The following ASB2 variants were observed in gnomAD, a reference collection of about 807,000 sequenced individuals.
ASB2 encodes ankyrin repeat and SOCS box containing 2.
A neutral mutation model predicts 62.4 loss-of-function variants in ASB2; 58 were observed. That is an observed-to-expected ratio of 0.93 (90% CI 0.75 to 1.16). The LOEUF (loss-of-function observed/expected upper bound fraction) is 1.16. ASB2 is among the 50% of genes most tolerant of loss of function. ASB2 has a pLI of 0.00. For synonymous variants in ASB2, 386 were observed against 385.3 expected, an observed-to-expected ratio of 1.00 and a Z score of -0.02; for missense variants, 928 against 887.9, an observed-to-expected ratio of 1.05 and a Z score of -0.57.
chr14:93,940,730 A>G (rs1335888858), intron 7 of ASB2, among the ~76,000 whole-genome samples: 1 of 152,188 alleles, frequency 6.6e-6, no homozygotes, highest in East Asian at 1.9e-4. Flanking sequence ...TCTCTTCCCT[A>G]AAACACGAGC....
Position 93,939,297 on chromosome 14 carries a change from G to A in ASB2, c.1428C>T (p.Thr476=). ...CGAACATGATGGTGGCGGGGAAGGC[G>A]GTGGGGTGCGTGGCGATATAGGCGT... is the stretch of plus-strand genomic sequence containing the variant. ...NIDAYIATHP[T]AFPATIMFAM... Residue 476 remains threonine, a synonymous_variant, in exon 8 of 10, where the codon ACC becomes ACT. Transcript: ENST00000555019. 1 of 1,609,394 alleles carries A rather than the reference G, an allele frequency of 6.2e-7. No homozygotes were observed. The highest frequency in any genetic ancestry group is 8.5e-7 in the Non-Finnish European group (1 of 1,176,806).
At chr14:93,943,417 G>A (rs1888607266) in intron 7 of ASB2, among the ~76,000 whole-genome samples, 1 of 152,208 alleles carries the variant, frequency 6.6e-6, no homozygotes, top group African/African-American at 2.4e-5. Context: ...GGCTGAGGCG[G>A]GTGGATCAGT....
chr14:93,963,705 C>T (rs1191475319), intron 2 of ASB2, among the ~76,000 whole-genome samples: 1 of 152,156 alleles, frequency 6.6e-6, no homozygotes, highest in East Asian at 1.9e-4. Flanking sequence ...ATATAAGTCT[C>T]TTGGTGGAAA....
intron 1 of ASB2, among the ~76,000 whole-genome samples, chr14:93,970,151 G>T (rs1889719327): frequency 6.6e-6 from 1 of 152,214 alleles, no homozygotes; most frequent in African/African-American, 2.4e-5. Context: ...TTGTTTGAGG[G>T]GCTGGGGTGG....
chr14:93,956,977 T>TGACC, intron 2 of ASB2, 107 bp from the exon 3 acceptor site: 1 of 1,494,194 alleles, frequency 6.7e-7, no homozygotes. Context: ...AGGGAGAGAC[T>TGACC]GACTGACAGA....
At chr14:93,960,371 A>G (rs897129338) in intron 2 of ASB2, among the ~76,000 whole-genome samples, 1 of 152,208 alleles carries the variant, frequency 6.6e-6, no homozygotes, top group African/African-American at 2.4e-5. Flanking sequence ...CTGATTCACA[A>G]CCTGGCATAT....
chr14:93,938,274 T>A (rs559758214), intron 8 of ASB2, among the ~76,000 whole-genome samples: 1 of 129,820 alleles, frequency 7.7e-6, no homozygotes, highest in Non-Finnish European at 1.6e-5. Flanking sequence ...AGAGTCTCGC[T>A]CTGTGCCCAG....
At chr14:93,947,995 GAAAAA>G (rs55666799) in intron 6 of ASB2, among the ~76,000 whole-genome samples, 1 of 72,492 alleles carries the variant, frequency 1.4e-5, no homozygotes, top group South Asian at 8.4e-4. Context: ...ACTCCGCCTG[GAAAAA>G]AAAAAAAAAA....
rs532660244 is a variant in ASB2, at chr14:93,939,507, G to A, written c.1218C>T (p.Leu406=). Residue 406 remains leucine, a synonymous_variant, in exon 8 of 10, where the codon CTC becomes CTT. Coordinates refer to ENST00000555019, the MANE Select transcript of ASB2 (RefSeq NM_001202429.2). ...NTPLAPERAR[L]YEDRRSSALY... is the part of the protein sequence containing the mutation. ...GCGCGGAGCTGCGCCGGTCTTCGTA[G>A]AGGCGCGCGCGCTCGGGGGCCAGCG... The A allele has an allele frequency of 6.2e-7, 1 of 1,608,454 alleles. No homozygotes were observed. Among genetic ancestry groups the A allele is most frequent in the East Asian group, 2.2e-5 (1 of 44,636 alleles).
intron 2 of ASB2, among the ~76,000 whole-genome samples, chr14:93,958,909 A>G (rs1889315055): frequency 6.6e-6 from 1 of 152,238 alleles, no homozygotes; most frequent in African/African-American, 2.4e-5. Context: ...GAAAAAGCCC[A>G]CTGCACCATC....
At chr14:93,937,639 T>A in intron 9 of ASB2, 59 bp downstream of exon 9, 5 of 1,560,728 alleles carry the variant, frequency 3.2e-6, no homozygotes, top group Non-Finnish European at 4.4e-6. Flanking sequence ...CCCTGAGGCC[T>A]GGGACTCTGA....
intron 7 of ASB2, chr14:93,942,348 A>C: frequency 2.2e-6 from 1 of 450,052 alleles, no homozygotes; most frequent in Non-Finnish European, 4.5e-6. Context: ...GGCCACAACT[A>C]CCAGCTTAGC....
intron 7 of ASB2, 150 bp from the exon 8 acceptor site, chr14:93,939,822 G>A: frequency 1.7e-6 from 1 of 576,642 alleles, no homozygotes; most frequent in Non-Finnish European, 2.8e-6. Context: ...AGGGGGCGCC[G>A]CGGGTCAACC....
chr14:93,941,730 G>A (rs755162442), intron 7 of ASB2: 8 of 455,684 alleles, frequency 1.8e-5, no homozygotes, highest in South Asian at 1.2e-4. Flanking sequence ...GACAGATGGG[G>A]CTGGTATCTC....
At position 93,937,672 on chromosome 14, in the gene ASB2, C is replaced by T. The variant is rs1595298310; in HGVS notation, c.1771+26G>A. ...TGAGTCAGGCAGGGAGATCTGCCAG[C>T]CTTGGCAGCAGCAGCAAGTCCCTAC... On this transcript the variant is annotated intron_variant, in intron 9 of 9. Transcript: ENST00000555019. 3.8e-6 allele frequency: 6 copies of T among 1,592,186 alleles called. No homozygotes were observed. The African/African-American group carries it at 4.0e-5, about 11-fold the overall frequency.
chr14:93,938,536 G>A (rs1305630283), intron 8 of ASB2, among the ~76,000 whole-genome samples: 1 of 152,108 alleles, frequency 6.6e-6, no homozygotes, highest in South Asian at 2.1e-4. Flanking sequence ...CACCGCGCCC[G>A]GCCAAGTTCT....
At chr14:93,953,863 G>A (rs1889070524) in intron 4 of ASB2, among the ~76,000 whole-genome samples, 1 of 152,208 alleles carries the variant, frequency 6.6e-6, no homozygotes, top group African/African-American at 2.4e-5. Flanking sequence ...CTTCAGGGCA[G>A]AGGTGACACC....
intron 1 of ASB2, chr14:93,974,197 C>T (rs891832159): frequency 1.3e-5 from 2 of 152,230 alleles, no homozygotes; most frequent in Admixed American, 1.3e-4. Flanking sequence ...TCTCTGCTTT[C>T]CTCTCTCCTT....
rs1889518089 is a variant in ASB2 at position 93,964,450 on chromosome 14, C to T, written c.90G>A (p.Leu30=). 1 of 1,536,018 alleles carries T rather than the reference C, an allele frequency of 6.5e-7. No individual in the cohort carries two copies. Among genetic ancestry groups the T allele is most frequent in the African/African-American group, 1.4e-5 (1 of 73,030 alleles). ...GGCTCTGCTCGATGGCCATCTGCAC[C>T]AGTTCATCCTCGCTCAGGCTGCTGT... The part of the protein sequence containing the change: ...SLYSSLSEDE[L]VQMAIEQSLA... The change falls in exon 2 of 10, where the codon CTG becomes CTA. Residue 30 remains leucine (L), a synonymous_variant. Coordinates refer to ENST00000555019, the MANE Select transcript of ASB2 (RefSeq NM_001202429.2).
Sources: allele counts gnomAD v4.1 joint callset (sites outside exome capture counted in the v4.1 genomes callset), GRCh38; gene constraint gnomAD v4.1.1; transcripts MANE v1.5; gene names NCBI Gene and HGNC (gene_info 2026-07-23, HGNC 2026-07-21).